Variants in FHIT observed in about 807,000 individuals in gnomAD.
FHIT encodes the protein bis(5'-adenosyl)-triphosphatase.
In FHIT, 19 loss-of-function variants were observed where a neutral mutation model predicts 17.9. That is an observed-to-expected ratio of 1.06 (90% CI 0.74 to 1.56). The LOEUF is 1.56. Among genes scored for constraint, FHIT ranks in the 40% most tolerant of loss-of-function variants. The pLI, the probability that FHIT is intolerant of heterozygous loss-of-function variation, is 0.00. For synonymous variants in FHIT, 81 were observed against 69.7 expected (o/e 1.16, Z -0.81); for missense variants, 248 against 189.2 (o/e 1.31, Z -1.82).
chr3:60,577,871 T>C (rs1402748856), intron 4 of FHIT, among the ~76,000 whole-genome samples: 2 of 152,148 alleles, frequency 1.3e-5, no homozygotes, highest in African/African-American at 4.8e-5. Flanking sequence ...TTTTCTAATA[T>C]TAGCTAACAA....
intron 2 of FHIT, among the ~76,000 whole-genome samples, chr3:61,088,144 G>A (rs1188159715): frequency 1.3e-5 from 2 of 152,142 alleles, no homozygotes; most frequent in African/African-American, 4.8e-5. Flanking sequence ...AAGTTAAAAA[G>A]TCAAACATTA....
intron 2 of FHIT, among the ~76,000 whole-genome samples, chr3:61,135,108 C>A (rs2106970318): frequency 6.6e-6 from 1 of 152,148 alleles, no homozygotes; most frequent in South Asian, 2.1e-4. Context: ...TGAAAATGGC[C>A]ACAGGGGCAT....
chr3:59,915,978 C>T (rs138304152), intron 8 of FHIT, among the ~76,000 whole-genome samples: 3 of 151,046 alleles, frequency 2.0e-5, no homozygotes, highest in African/African-American at 7.3e-5. Flanking sequence ...TAACCTGAAT[C>T]ATATATTGTG....
intron 8 of FHIT, among the ~76,000 whole-genome samples, chr3:59,825,650 G>C (rs1405843802): frequency 2.0e-5 from 3 of 152,172 alleles, no homozygotes; most frequent in African/African-American, 4.8e-5. Flanking sequence ...ATCAGGCTTT[G>C]AATGAAGGCC....
chr3:60,938,237 T>A (rs186838956), intron 3 of FHIT, among the ~76,000 whole-genome samples: 12 of 152,172 alleles, frequency 7.9e-5, no homozygotes, highest in African/African-American at 2.9e-4. Flanking sequence ...AGAGTCCAAA[T>A]AGGAAAAGAC....
At chr3:60,920,127 T>G (rs1225684060) in intron 3 of FHIT, among the ~76,000 whole-genome samples, 1 of 152,162 alleles carries the variant, frequency 6.6e-6, no homozygotes, top group African/African-American at 2.4e-5. Context: ...GAATTTAATT[T>G]TTTCAATAAA....
chr3:61,210,117 C>T (rs1310749538), intron 1 of FHIT, among the ~76,000 whole-genome samples: 1 of 152,176 alleles, frequency 6.6e-6, no homozygotes, highest in African/African-American at 2.4e-5. Context: ...GCCGTGGCTG[C>T]AGAACAGCGG....
rs1292246769 is a variant in FHIT at position 60,955,595 on chromosome 3, T to C, written c.-111+86452A>G. On this transcript the variant is annotated intron_variant, in intron 3 of 9. Coordinates refer to ENST00000492590, the MANE Select transcript of FHIT (RefSeq NM_002012.4). Reference sequence around the variant, plus strand: ...AAATGTATCTGCTTAGGCATATATATACATATATATATATATATATATATA... The same window carrying C: ...AAATGTATCTGCTTAGGCATATATACACATATATATATATATATATATATA... 6.5e-4 allele frequency among the ~76,000 whole-genome samples: 22 copies of C among 33,642 alleles called. No homozygotes were observed. In the Admixed American group the frequency reaches 9.0e-3, roughly 14 times the overall value. 22.1% of individuals were successfully genotyped at this position (33,642 alleles called of 152,430 possible).
chr3:61,233,300 T>G (rs922627769), intron 1 of FHIT, among the ~76,000 whole-genome samples: 5 of 152,180 alleles, frequency 3.3e-5, no homozygotes, highest in Admixed American at 6.6e-5. Flanking sequence ...AAGAAAATTT[T>G]TTTAATCTAC....
At chr3:60,131,908 A>G (rs1699611986) in intron 5 of FHIT, among the ~76,000 whole-genome samples, 1 of 152,092 alleles carries the variant, frequency 6.6e-6, no homozygotes. Flanking sequence ...ATAAAATCTG[A>G]ACTCCCTTCC....
intron 8 of FHIT, among the ~76,000 whole-genome samples, chr3:59,863,297 C>A (rs777646076): frequency 1.3e-5 from 2 of 152,204 alleles, no homozygotes; most frequent in African/African-American, 4.8e-5. Flanking sequence ...CCAGTGCTCA[C>A]TGATGTCCCA....
intron 4 of FHIT, among the ~76,000 whole-genome samples, chr3:60,818,643 T>G (rs1009551954): frequency 4.5e-4 from 69 of 152,330 alleles, no homozygotes; most frequent in African/African-American, 1.6e-3. Context: ...CTCTGGTAAC[T>G]CTTTTTGTCT....
At position 60,614,828 on chromosome 3, in the gene FHIT, TTTGTTTTTTTTTTG is replaced by T. The variant is rs1559583610; in HGVS notation, c.-17-77863_-17-77850del. Among the ~76,000 whole-genome samples, 16 of 85,538 alleles carry T rather than the reference TTTGTTTTTTTTTTG, an allele frequency of 1.9e-4. 1 individual carries two copies. The highest frequency in any genetic ancestry group is 3.8e-4 in the Non-Finnish European group (12 of 31,904). 56.1% of individuals were successfully genotyped at this position (85,538 alleles called of 152,430 possible). A position where few individuals can be genotyped will look rare whatever the true frequency, so the allele number is the denominator to read the frequency against. ...AAAGTTGTTTTTTTTTTGTTTTTTTTTTGTTTTTTTTTTGTTTTTTGAGATGGAGCCCTGCTCTG... is the reference window on the plus strand; with the variant it reads ...AAAGTTGTTTTTTTTTTGTTTTTTTTTTTTTTGAGATGGAGCCCTGCTCTG... On this transcript the variant is annotated intron_variant, in intron 4 of 9. Transcript: ENST00000492590.
intron 7 of FHIT, among the ~76,000 whole-genome samples, chr3:59,950,852 A>C (rs1481965472): frequency 6.6e-6 from 1 of 152,188 alleles, no homozygotes; most frequent in African/African-American, 2.4e-5. Context: ...AGCTCCCAGG[A>C]TTCTACAGCC....
intron 3 of FHIT, among the ~76,000 whole-genome samples, chr3:60,878,493 C>CT (rs138715544): frequency 2.4e-4 from 37 of 151,306 alleles, no homozygotes; most frequent in Non-Finnish European, 4.7e-4. Context: ...TACCATACCC[C>CT]TTTTTTTTTA....
intron 5 of FHIT, among the ~76,000 whole-genome samples, chr3:60,441,462 A>G (rs2030794096): frequency 6.6e-6 from 1 of 151,866 alleles, no homozygotes; most frequent in African/African-American, 2.4e-5. Context: ...AAAATCTTTA[A>G]AAAACAATTT....
chr3:60,457,977 T>C (rs144215528), intron 5 of FHIT, among the ~76,000 whole-genome samples: 1 of 152,076 alleles, frequency 6.6e-6, no homozygotes, highest in South Asian at 2.1e-4. Flanking sequence ...ACTTTTACAC[T>C]GTTGGTAGGA....
rs116313020 is a variant in FHIT at position 60,636,751 on chromosome 3, G to T, written c.-17-99772C>A. On this transcript the variant is annotated intron_variant, in intron 4 of 9. Coordinates refer to ENST00000492590, the MANE Select transcript of FHIT (RefSeq NM_002012.4). ...GGCTACTACATAAAAAGCCAAAAAAGTGAGTCCTTCACAGCATGAGGATAC... is the reference window on the plus strand; with the variant it reads ...GGCTACTACATAAAAAGCCAAAAAATTGAGTCCTTCACAGCATGAGGATAC... 9.0e-3 allele frequency among the ~76,000 whole-genome samples: 1,371 copies of T among 152,294 alleles called. 29 individuals carry two copies. Among genetic ancestry groups the T allele is most frequent in the African/African-American group, 0.031 (1,295 of 41,568 alleles).
intron 4 of FHIT, among the ~76,000 whole-genome samples, chr3:60,598,202 G>A (rs899624262): frequency 1.3e-5 from 2 of 152,102 alleles, no homozygotes; most frequent in Non-Finnish European, 2.9e-5. Context: ...ACAATTTAAA[G>A]AGAGGGCATT....
Sources: gnomAD v4.1 joint callset for allele counts (sites outside exome capture counted in the v4.1 genomes callset) on GRCh38, gnomAD v4.1.1 for gene constraint, MANE v1.5 for transcripts, NCBI Gene and HGNC (gene_info 2026-07-23, HGNC 2026-07-21) for gene names.